N4BP2: variants seen among roughly 807,000 people sequenced by gnomAD.
N4BP2 encodes the protein NEDD4 binding protein 2.
A neutral mutation model predicts 152.8 loss-of-function variants in N4BP2; 91 were observed. The observed-to-expected ratio is 0.60, with a 90% CI of 0.50 to 0.71. The LOEUF is 0.71. Among genes scored for constraint, N4BP2 ranks in the 30% least tolerant of loss-of-function variants. N4BP2 has a pLI of 0.00. For missense variants in N4BP2, 1,923 were observed against 2,059.1 expected (o/e 0.93, Z 1.28); for synonymous variants, 646 against 705.3 (o/e 0.92, Z 1.33).
chr4:40,123,207 G>T lies in N4BP2; in HGVS notation c.4279G>T (p.Val1427Leu). The change falls in exon 10 of 18, where the codon GTA becomes TTA. Residue 1427 changes from valine (V) to leucine (L), a missense_variant. Physicochemically the swap from Val to Leu is conservative, Grantham distance 32 (BLOSUM62 1). Coordinates refer to ENST00000261435, the MANE Select transcript of N4BP2 (RefSeq NM_018177.6). ...GATTCATGAGAAATGGAAAGAATCTGTAATGGTTGGTAGGCTTCTTTTTAT... is the reference window on the plus strand; with the variant it reads ...GATTCATGAGAAATGGAAAGAATCTTTAATGGTTGGTAGGCTTCTTTTTAT... ...KVIHEKWKES[V>L]MERQRQEEVS... is the part of the protein sequence containing the mutation. 1.2e-6 allele frequency: 2 copies of T among 1,604,322 alleles called. No homozygotes were observed. Among genetic ancestry groups the T allele is most frequent in the Non-Finnish European group, 1.7e-6 (2 of 1,171,672 alleles).
chr4:40,085,647 A>C (rs1443930521), intron 2 of N4BP2, among the ~76,000 whole-genome samples: 1 of 151,818 alleles, frequency 6.6e-6, no homozygotes, highest in Non-Finnish European at 1.5e-5. Flanking sequence ...TAGAGGGAAA[A>C]GAGGGAAAAG....
chr4:40,106,979 G>T lies in N4BP2; in HGVS notation c.1453G>T (p.Asp485Tyr), dbSNP rs754309532. Residue 485 changes from aspartate to tyrosine, a missense_variant, in exon 5 of 18, where the codon GAT becomes TAT. Physicochemically the swap from Asp to Tyr is radical, Grantham distance 160. Coordinates refer to ENST00000261435, the MANE Select transcript of N4BP2 (RefSeq NM_018177.6). ...TTATATAAATGGACAGTACCAGTTTGATGTAAAGTACTTAGGAGAAGCACA... is the reference window on the plus strand; with the variant it reads ...TTATATAAATGGACAGTACCAGTTTTATGTAAAGTACTTAGGAGAAGCACA... Reference protein sequence around the residue: ...YFYINGQYQFDVKYLGEAHEW... With the variant: ...YFYINGQYQFYVKYLGEAHEW... 142 of 1,613,336 alleles carry T rather than the reference G, an allele frequency of 8.8e-5. No homozygotes were observed. Among genetic ancestry groups the T allele is most frequent in the Non-Finnish European group, 1.1e-4 (133 of 1,179,492 alleles).
Position 40,125,422 on chromosome 4 carries a change from G to A in N4BP2, c.4331-712G>A, listed in dbSNP as rs553311094. 1.4e-4 allele frequency among the ~76,000 whole-genome samples: 21 copies of A among 152,240 alleles called. No individual in the cohort carries two copies. In the South Asian group the frequency reaches 1.5e-3, roughly 11 times the overall value. On this transcript the variant is annotated intron_variant, in intron 11 of 17. Transcript: ENST00000261435. ...GAGTTACAGGTTTGCCAAAGTAATCGATCTTCTTGGTCCTTAGAATGGGTG... is the reference window on the plus strand; with the variant it reads ...GAGTTACAGGTTTGCCAAAGTAATCAATCTTCTTGGTCCTTAGAATGGGTG...
intron 2 of N4BP2, chr4:40,082,990 G>A (rs548141111): frequency 3.8e-5 from 9 of 234,974 alleles, no homozygotes; most frequent in Non-Finnish European, 6.0e-5. Context: ...GTGAGCCACC[G>A]CACCCGGCCG....
chr4:40,078,948 A>C (rs1713068465), intron 2 of N4BP2, among the ~76,000 whole-genome samples: 1 of 151,194 alleles, frequency 6.6e-6, no homozygotes, highest in African/African-American at 2.4e-5. Context: ...TTTAATTTTT[A>C]TTTTCATTTT....
Position 40,122,043 on chromosome 4 carries a change from T to C in N4BP2, c.3932T>C (p.Ile1311Thr). The change falls in exon 9 of 18, where the codon ATA (isoleucine) becomes ACA (threonine). Residue 1311 changes from isoleucine to threonine, a missense_variant. Transcript: ENST00000261435. ...ATTTATTTTACTGATTCTCTTGAAATAAAGAGAAATGAAAATTTTCCAAAG... is the reference window on the plus strand; with the variant it reads ...ATTTATTTTACTGATTCTCTTGAAACAAAGAGAAATGAAAATTTTCCAAAG... The part of the protein sequence containing the change: ...EEIYFTDSLE[I>T]KRNENFPKDY... The C allele has an allele frequency of 6.5e-7, 1 of 1,545,084 alleles. No individual in the cohort carries two copies. The highest frequency in any genetic ancestry group is 8.7e-7 in the Non-Finnish European group (1 of 1,142,882).
chr4:40,117,764 C>A (rs1035747834), intron 7 of N4BP2, 105 bp from the exon 8 acceptor site: 4 of 884,798 alleles, frequency 4.5e-6, no homozygotes, highest in African/African-American at 1.7e-5. Flanking sequence ...CTTTGATATT[C>A]GTATCTATTA....
chr4:40,186,140 T>C, the N4BP2 span, among the ~76,000 whole-genome samples: 1 of 152,110 alleles, frequency 6.6e-6, no homozygotes, highest in South Asian at 2.1e-4. Context: ...GAATCCCTTG[T>C]TTTTGGAGTC....
intron 12 of N4BP2, among the ~76,000 whole-genome samples, chr4:40,128,447 C>G (rs566371792): frequency 6.6e-6 from 1 of 152,234 alleles, no homozygotes; most frequent in African/African-American, 2.4e-5. Context: ...ATAACCTCTT[C>G]AGTAGATCTT....
At chr4:40,184,267 G>A in the N4BP2 span, among the ~76,000 whole-genome samples, 5 of 152,022 alleles carry the variant, frequency 3.3e-5, no homozygotes, top group Non-Finnish European at 4.4e-5. Flanking sequence ...TTCCCTGTAT[G>A]GCTGCACGGG....
rs543768281 is a variant in N4BP2, at chr4:40,156,764, C to T, written c.*2527C>T. On this transcript the variant is annotated 3_prime_UTR_variant, in exon 18 of 18. Coordinates refer to ENST00000261435, the MANE Select transcript of N4BP2 (RefSeq NM_018177.6). ...TTCAAAATCTGAAATGCTTCAAAATCTGAAATTTTTCGAGCACAGACATGA... is the reference window on the plus strand; with the variant it reads ...TTCAAAATCTGAAATGCTTCAAAATTTGAAATTTTTCGAGCACAGACATGA... The T allele has an allele frequency of 4.6e-5, 7 of 152,162 alleles. No homozygotes were observed. The South Asian group carries it at 1.5e-3, about 32-fold the overall frequency. The allele number at this position is 152,162 out of a possible 1,614,324, so 9.4% of individuals were successfully genotyped here. A position where few individuals can be genotyped will look rare whatever the true frequency, so the allele number is the denominator to read the frequency against.
intron 2 of N4BP2, among the ~76,000 whole-genome samples, chr4:40,088,695 T>C (rs907201036): frequency 6.6e-6 from 1 of 152,114 alleles, no homozygotes; most frequent in African/African-American, 2.4e-5. Context: ...AAACGGGGTT[T>C]CTCCTTGTTG....
At position 40,075,689 on chromosome 4, in the gene N4BP2, C is replaced by T. The variant is rs1180111361; in HGVS notation, c.-115+2138C>T. Among the ~76,000 whole-genome samples the T allele has an allele frequency of 3.9e-5, 6 of 152,268 alleles. No homozygotes were observed. In the South Asian group the frequency reaches 1.0e-3, roughly 26 times the overall value. On this transcript the variant is annotated intron_variant, in intron 2 of 17. Transcript: ENST00000261435. Reference sequence around the variant, plus strand: ...GGGGTTACAGGCATGAGCCACTGTGCCAGGCCTACACATCTTATTTCTATA... The same window carrying T: ...GGGGTTACAGGCATGAGCCACTGTGTCAGGCCTACACATCTTATTTCTATA...
At chr4:40,075,207 A>G (rs1271106550) in intron 2 of N4BP2, among the ~76,000 whole-genome samples, 2 of 152,178 alleles carry the variant, frequency 1.3e-5, no homozygotes, top group South Asian at 2.1e-4. Flanking sequence ...ATGGAAATTA[A>G]TAAGTCAGTA....
At chr4:40,108,971 C>T (rs547575243) in intron 5 of N4BP2, among the ~76,000 whole-genome samples, 1 of 152,060 alleles carries the variant, frequency 6.6e-6, no homozygotes, top group African/African-American at 2.4e-5. Flanking sequence ...CATATGCCAC[C>T]ATGCCCAGCT....
At chr4:40,160,938 A>G (rs1721842187), downstream of N4BP2, among the ~76,000 whole-genome samples, 1 of 152,172 alleles carries the variant, frequency 6.6e-6, no homozygotes, top group African/African-American at 2.4e-5. Context: ...CTAACACCCC[A>G]CAGAGCTTTA....
chr4:40,086,066 C>T (rs1255320621), intron 2 of N4BP2, among the ~76,000 whole-genome samples: 4 of 149,686 alleles, frequency 2.7e-5, no homozygotes, highest in African/African-American at 4.9e-5. Context: ...CTGCTGGATT[C>T]GAGCGATCCT....
intron 10 of N4BP2, 122 bp from the exon 11 acceptor site, chr4:40,124,038 G>C (rs372242478): frequency 5.9e-5 from 36 of 612,598 alleles, no homozygotes; most frequent in East Asian, 2.8e-4. Context: ...CTTAGATTGA[G>C]TAAGAATGGT....
chr4:40,075,934 C>T (rs1712686627), intron 2 of N4BP2, among the ~76,000 whole-genome samples: 1 of 152,150 alleles, frequency 6.6e-6, no homozygotes, highest in African/African-American at 2.4e-5. Flanking sequence ...CCAAACAATC[C>T]TCCTACCTCA....
Sources: allele counts gnomAD v4.1 joint callset (sites outside exome capture counted in the v4.1 genomes callset), GRCh38; gene constraint gnomAD v4.1.1; transcripts MANE v1.5; gene names NCBI Gene and HGNC (gene_info 2026-07-23, HGNC 2026-07-21).